The following ST3GAL3 variants were observed in gnomAD, a reference collection of about 807,000 sequenced individuals.
ST3GAL3 encodes the protein CMP-N-acetylneuraminate-beta-1,4-galactoside alpha-2,3-sialyltransferase.
ST3GAL3 carries 21 observed loss-of-function variants against 50.1 expected under a neutral mutation model. The ratio of observed to expected loss-of-function variants is 0.42; its 90% CI spans 0.30 to 0.60. ST3GAL3 has a LOEUF of 0.60. Ranked by LOEUF, ST3GAL3 falls within the 20% of genes least tolerant of loss-of-function variation. The probability of loss-of-function intolerance (pLI) is 0.19; values close to 1 mark genes in which losing one functional copy is unlikely to be tolerated. For synonymous variants in ST3GAL3, 183 were observed against 190.0 expected, an observed-to-expected ratio of 0.96 and a Z score of 0.30; for missense variants, 353 against 489.4, an observed-to-expected ratio of 0.72 and a Z score of 2.63.
At chr1:43,838,842 C>G (rs990476329) in intron 5 of ST3GAL3, 30 of 183,620 alleles carry the variant, frequency 1.6e-4, no homozygotes, top group African/African-American at 6.8e-4. Flanking sequence ...TTCCTTTTAC[C>G]GAATGCTGCT....
At chr1:43,733,216 G>T (rs1195987696) in intron 1 of ST3GAL3, among the ~76,000 whole-genome samples, 2 of 152,122 alleles carry the variant, frequency 1.3e-5, no homozygotes, top group African/African-American at 4.8e-5. Flanking sequence ...GCCCAGGCTG[G>T]TCTCGAACTC....
chr1:43,887,396 A>T (rs1318884511), intron 5 of ST3GAL3, among the ~76,000 whole-genome samples: 2 of 152,226 alleles, frequency 1.3e-5, no homozygotes, highest in African/African-American at 4.8e-5. Context: ...GCCAAGAGAG[A>T]TAATAGACTA....
At chr1:43,824,634 C>A (rs1184239265) in intron 4 of ST3GAL3, 3 of 1,449,298 alleles carry the variant, frequency 2.1e-6, no homozygotes, top group Non-Finnish European at 2.9e-6. Context: ...TGCTTCATGA[C>A]ATCTAGCATT....
At chr1:43,838,362 A>G (rs1163257829) in intron 5 of ST3GAL3, 51 bp downstream of exon 5, 1 of 1,533,496 alleles carries the variant, frequency 6.5e-7, no homozygotes, top group Non-Finnish European at 9.0e-7. Context: ...TCTGGGGTCC[A>G]AGAGCCAGAA....
intron 2 of ST3GAL3, among the ~76,000 whole-genome samples, chr1:43,752,623 C>T (rs1459872882): frequency 6.6e-6 from 1 of 152,164 alleles, no homozygotes; most frequent in Admixed American, 6.6e-5. Context: ...ATCTCATCCT[C>T]CCATGTGGTG....
At chr1:43,743,147 T>C (rs1411344492) in intron 2 of ST3GAL3, among the ~76,000 whole-genome samples, 2 of 149,652 alleles carry the variant, frequency 1.3e-5, no homozygotes, top group Non-Finnish European at 1.5e-5. Context: ...TTTTTGAAAA[T>C]TAATTTCCCA....
At chr1:43,774,562 A>G (rs1423461306) in intron 2 of ST3GAL3, among the ~76,000 whole-genome samples, 1 of 152,182 alleles carries the variant, frequency 6.6e-6, no homozygotes, top group African/African-American at 2.4e-5. Context: ...CAAGCCCCAT[A>G]TGAAGAAATA....
At chr1:43,773,806 A>C (rs1696205182) in intron 2 of ST3GAL3, among the ~76,000 whole-genome samples, 1 of 152,208 alleles carries the variant, frequency 6.6e-6, no homozygotes, top group South Asian at 2.1e-4. Context: ...TCTGTGGTTC[A>C]ACACCTTAAC....
At chr1:43,825,899 A>G (rs2062734201) in intron 4 of ST3GAL3, among the ~76,000 whole-genome samples, 1 of 152,294 alleles carries the variant, frequency 6.6e-6, no homozygotes, top group African/African-American at 2.4e-5. Context: ...TGATAAACCT[A>G]GAGCCAAAAA....
chr1:43,801,660 C>G (rs1359340706), intron 3 of ST3GAL3: 1 of 232,100 alleles, frequency 4.3e-6, no homozygotes, highest in Non-Finnish European at 8.8e-6. Context: ...TATTACAGAA[C>G]TGTGATGAAC....
At chr1:43,775,378 C>CTAT (rs1696807871) in intron 2 of ST3GAL3, among the ~76,000 whole-genome samples, 1 of 151,886 alleles carries the variant, frequency 6.6e-6, no homozygotes, top group Non-Finnish European at 1.5e-5. Context: ...GGATTACAGG[C>CTAT]GCCCACCACA....
intron 6 of ST3GAL3, among the ~76,000 whole-genome samples, chr1:43,897,369 C>T (rs143270322): frequency 6.6e-6 from 1 of 152,232 alleles, no homozygotes; most frequent in African/African-American, 2.4e-5. Flanking sequence ...ATAGGAATTA[C>T]TTTCATTTTA....
At chr1:43,866,900 G>C (rs530089972) in intron 5 of ST3GAL3, among the ~76,000 whole-genome samples, 16 of 152,272 alleles carry the variant, frequency 1.1e-4, no homozygotes, top group Non-Finnish European at 1.6e-4. Flanking sequence ...GGGAGGCCGT[G>C]GTGGGTGGAT....
intron 11 of ST3GAL3, among the ~76,000 whole-genome samples, chr1:43,925,967 G>A (rs539589197): frequency 1.3e-5 from 2 of 152,212 alleles, no homozygotes; most frequent in Non-Finnish European, 2.9e-5. Flanking sequence ...AAGCCAGATT[G>A]CAGTAGTGAA....
intron 5 of ST3GAL3, among the ~76,000 whole-genome samples, chr1:43,862,179 C>G (rs1327672670): frequency 6.6e-6 from 1 of 152,234 alleles, no homozygotes; most frequent in Non-Finnish European, 1.5e-5. Flanking sequence ...GGCAGGCACT[C>G]AGCTTGGCCA....
At chr1:43,728,690 G>A (rs1444444255) in intron 1 of ST3GAL3, among the ~76,000 whole-genome samples, 2 of 152,176 alleles carry the variant, frequency 1.3e-5, no homozygotes, top group African/African-American at 2.4e-5. Context: ...GGTCGAGGTT[G>A]CAGTGAGGTA....
At chr1:43,726,836 C>A (rs756778142) in intron 1 of ST3GAL3, among the ~76,000 whole-genome samples, 28 of 152,090 alleles carry the variant, frequency 1.8e-4, no homozygotes, top group Admixed American at 1.3e-3. Flanking sequence ...TCAAATGATC[C>A]GCCTGCCTCG....
intron 5 of ST3GAL3, among the ~76,000 whole-genome samples, chr1:43,891,711 A>C (rs1436122390): frequency 6.6e-6 from 1 of 152,238 alleles, no homozygotes; most frequent in Non-Finnish European, 1.5e-5. Flanking sequence ...GGGGCTGTTA[A>C]GGAATCAGCT....
intron 2 of ST3GAL3, among the ~76,000 whole-genome samples, chr1:43,778,818 T>C (rs1430905536): frequency 6.6e-6 from 1 of 151,404 alleles, no homozygotes; most frequent in Non-Finnish European, 1.5e-5. Context: ...GCTAATTTTT[T>C]TTGTATTTTT....
Sources: allele counts gnomAD v4.1 joint callset (sites outside exome capture counted in the v4.1 genomes callset), GRCh38; gene constraint gnomAD v4.1.1; transcripts MANE v1.5; gene names NCBI Gene and HGNC (gene_info 2026-07-23, HGNC 2026-07-21).